PTPRG: variants seen among roughly 807,000 people sequenced by gnomAD.
PTPRG encodes the protein protein tyrosine phosphatase receptor type G.
Under a neutral mutation model 165.3 loss-of-function variants are expected in PTPRG, and 102 were observed. The ratio of observed to expected loss-of-function variants is 0.62; its 90% CI spans 0.53 to 0.73. The LOEUF (loss-of-function observed/expected upper bound fraction) is 0.73, where lower values mean the gene tolerates loss of function less well. PTPRG is among the 30% of genes least tolerant of loss of function. The pLI is 0.00. For missense variants in PTPRG, 1,866 were observed against 1,861.4 expected (o/e 1.00, Z -0.05); for synonymous variants, 675 against 669.5 (o/e 1.01, Z -0.13).
chr3:61,692,961 TTTC>T (rs2030319437), intron 1 of PTPRG, among the ~76,000 whole-genome samples: 1 of 152,230 alleles, frequency 6.6e-6, no homozygotes, highest in South Asian at 2.1e-4. Context: ...TGTTGTACAT[TTTC>T]TTCTTCAGGG....
rs559399006 is a variant in PTPRG, at chr3:62,286,662, GT to G, written c.4055+3800del. Reference sequence around the variant, plus strand: ...GGCAGGGAAAGATGAAAAAAATAGGGTTTTTTTCTTAACATCACTAGTTAAA... The same window carrying G: ...GGCAGGGAAAGATGAAAAAAATAGGGTTTTTTCTTAACATCACTAGTTAAA... On this transcript the variant is annotated intron_variant, in intron 28 of 29. Coordinates refer to ENST00000474889, the MANE Select transcript of PTPRG (RefSeq NM_002841.4). Among the ~76,000 whole-genome samples, 10 of 152,076 alleles carry G rather than the reference GT, an allele frequency of 6.6e-5. No homozygotes were observed. The South Asian group carries it at 1.7e-3, about 25-fold the overall frequency.
chr3:61,789,416 C>G (rs1357118985), intron 2 of PTPRG, among the ~76,000 whole-genome samples: 1 of 152,152 alleles, frequency 6.6e-6, no homozygotes, highest in Non-Finnish European at 1.5e-5. Flanking sequence ...CCTCTAGTTT[C>G]TTATAATACA....
At chr3:62,010,841 C>T (rs1399887003) in intron 4 of PTPRG, among the ~76,000 whole-genome samples, 1 of 151,980 alleles carries the variant, frequency 6.6e-6, no homozygotes, top group South Asian at 2.1e-4. Context: ...GTGTTGTGTA[C>T]TTTATGTCAG....
At chr3:61,988,132 A>G (rs924953892) in intron 2 of PTPRG, among the ~76,000 whole-genome samples, 2 of 152,158 alleles carry the variant, frequency 1.3e-5, no homozygotes, top group African/African-American at 2.4e-5. Flanking sequence ...GTCAGTGAAC[A>G]TGTTCATTTG....
chr3:62,270,545 C>T (rs1435102263), intron 20 of PTPRG, among the ~76,000 whole-genome samples: 1 of 152,004 alleles, frequency 6.6e-6, no homozygotes, highest in African/African-American at 2.4e-5. Context: ...CAGCTTAAGT[C>T]AGAGGAAGAA....
At chr3:62,104,674 ACT>A (rs1702411175) in intron 5 of PTPRG, among the ~76,000 whole-genome samples, 1 of 152,118 alleles carries the variant, frequency 6.6e-6, no homozygotes, top group Non-Finnish European at 1.5e-5. Flanking sequence ...CTTGAGCTTA[ACT>A]CTCTGCTTCT....
chr3:62,275,382 A>G (rs1702198688), intron 23 of PTPRG, among the ~76,000 whole-genome samples: 1 of 152,170 alleles, frequency 6.6e-6, no homozygotes, highest in Non-Finnish European at 1.5e-5. Context: ...TCACAGCAGC[A>G]GTGACATCAC....
chr3:61,739,924 T>A lies in PTPRG; in HGVS notation c.86-8954T>A, dbSNP rs190485878. ...GGAACATGACCCAGCTCTCACATTTTAAAAAAATGAAAATACAGATATTGG... is the reference window on the plus strand; with the variant it reads ...GGAACATGACCCAGCTCTCACATTTAAAAAAAATGAAAATACAGATATTGG... On this transcript the variant is annotated intron_variant, in intron 1 of 29. Transcript: ENST00000474889. Among the ~76,000 whole-genome samples, 126 of 152,258 alleles carry A rather than the reference T, an allele frequency of 8.3e-4. 1 individual carries two copies. Among genetic ancestry groups the A allele is most frequent in the African/African-American group, 2.7e-3 (112 of 41,536 alleles).
intron 14 of PTPRG, among the ~76,000 whole-genome samples, chr3:62,236,686 T>C (rs1414297011): frequency 6.6e-6 from 1 of 152,240 alleles, no homozygotes; most frequent in Non-Finnish European, 1.5e-5. Flanking sequence ...TGAGTTTAAT[T>C]TGAAGACAGT....
chr3:62,033,530 T>TCCCCCCCCCCCCCCC (rs147045221), intron 4 of PTPRG, among the ~76,000 whole-genome samples: 89 of 134,170 alleles, frequency 6.6e-4, no homozygotes, highest in East Asian at 7.6e-4. Context: ...ATGCCTATCT[T>TCCCCCCCCCCCCCCC]CCCCCCCCCA....
intron 10 of PTPRG, among the ~76,000 whole-genome samples, chr3:62,200,413 GGCGTTCACCAC>G (rs1700071229): frequency 1.3e-5 from 2 of 151,986 alleles, no homozygotes; most frequent in Non-Finnish European, 2.9e-5. Context: ...TGGGACTGCA[GGCGTTCACCAC>G]CACACCCAGC....
At chr3:61,691,754 G>A (rs1171802968) in intron 1 of PTPRG, among the ~76,000 whole-genome samples, 1 of 152,158 alleles carries the variant, frequency 6.6e-6, no homozygotes. Context: ...CACCATTTTG[G>A]TTCTCACCAA....
At chr3:61,782,049 A>T (rs1456485486) in intron 2 of PTPRG, among the ~76,000 whole-genome samples, 3 of 152,194 alleles carry the variant, frequency 2.0e-5, no homozygotes, top group Non-Finnish European at 4.4e-5. Context: ...TCAGCAGGAC[A>T]TGACCATTGC....
At chr3:61,661,525 T>C (rs1002389617) in intron 1 of PTPRG, among the ~76,000 whole-genome samples, 1 of 152,198 alleles carries the variant, frequency 6.6e-6, no homozygotes, top group Non-Finnish European at 1.5e-5. Context: ...ATAGCATCTT[T>C]AGTGAATGAC....
Position 62,233,966 on chromosome 3 carries a change from G to A in PTPRG, c.2375+2655G>A, listed in dbSNP as rs1057426205. ...TACCATCCCATCACTCACCCACCCT[G>A]CTCCCTACCTCCTCACAAATAGGTA... is the stretch of plus-strand genomic sequence containing the variant. On this transcript the variant is annotated intron_variant, in intron 14 of 29. Transcript: ENST00000474889. This position sits in a 1 kb window ranked among gnomAD's most constrained non-coding sequence, Gnocchi z 4.7. Among the ~76,000 whole-genome samples, 1 of 152,128 alleles carries A rather than the reference G, an allele frequency of 6.6e-6. No individual in the cohort carries two copies. Among genetic ancestry groups the A allele is most frequent in the Admixed American group, 6.5e-5 (1 of 15,274 alleles).
Position 62,124,651 on chromosome 3 carries a change from C to T in PTPRG, c.616-7951C>T, listed in dbSNP as rs916524393. The T allele has an allele frequency of 1.4e-5, 11 of 780,248 alleles. No homozygotes were observed. In the East Asian group the frequency reaches 2.8e-4, roughly 20 times the overall value. 48.3% of individuals were successfully genotyped at this position (780,248 alleles called of 1,614,324 possible). Reference sequence around the variant, plus strand: ...GTGAGACCGGGAGGGAGCTGGCTGTCCTGAAGCTCAGGCCACCGCTGCCGC... The same window carrying T: ...GTGAGACCGGGAGGGAGCTGGCTGTTCTGAAGCTCAGGCCACCGCTGCCGC... On this transcript the variant is annotated intron_variant, in intron 5 of 29. Transcript: ENST00000474889.
At chr3:61,681,054 T>TAAAAAAAA (rs61198100) in intron 1 of PTPRG, among the ~76,000 whole-genome samples, 673 of 66,004 alleles carry the variant, frequency 0.01, 17 homozygotes, top group African/African-American at 0.034. Flanking sequence ...CTTTATGTTC[T>TAAAAAAAA]AAAAAAAAAA....
intron 4 of PTPRG, among the ~76,000 whole-genome samples, chr3:62,037,845 T>C (rs1699998759): frequency 6.6e-6 from 1 of 152,170 alleles, no homozygotes; most frequent in South Asian, 2.1e-4. Flanking sequence ...TCTCTTCTTA[T>C]AAAGGTGCTA....
chr3:62,089,837 C>T (rs182182530), intron 5 of PTPRG, among the ~76,000 whole-genome samples: 51 of 152,186 alleles, frequency 3.4e-4, no homozygotes, highest in South Asian at 1.7e-3. Flanking sequence ...TTAGGTCTTG[C>T]GTATTTAGAA....
Sources: allele counts gnomAD v4.1 joint callset (sites outside exome capture counted in the v4.1 genomes callset), GRCh38; gene constraint gnomAD v4.1.1; non-coding constraint Gnocchi (gnomAD v3.1); transcripts MANE v1.5; gene names NCBI Gene and HGNC (gene_info 2026-07-23, HGNC 2026-07-21).